The following CNTN4 variants were observed in gnomAD, a reference collection of about 807,000 sequenced individuals.
CNTN4 encodes contactin 4, also known as contactin-4.
In CNTN4, 77 loss-of-function variants were observed where a neutral mutation model predicts 122.5. The ratio of observed to expected loss-of-function variants is 0.63; its 90% CI spans 0.52 to 0.76. CNTN4 has a LOEUF of 0.76. CNTN4 is among the 30% of genes least tolerant of loss of function. CNTN4 has a pLI of 0.00. For synonymous variants in CNTN4, 512 were observed against 447.0 expected (o/e 1.15, Z -1.83); for missense variants, 1,256 against 1,259.1 (o/e 1.00, Z 0.04).
intron 4 of CNTN4, among the ~76,000 whole-genome samples, chr3:2,632,706 T>C (rs114046449): frequency 0.018 from 2,749 of 152,238 alleles, 70 homozygotes; most frequent in African/African-American, 0.063. Context: ...CCTTTAGCAC[T>C]TACTATATGC....
In CNTN4 at chr3:3,003,703, A is replaced by AC. The variant is rs1459942205; in HGVS notation, c.1486+15231_1486+15232insC. ...TTGCACCAAAAAAAAAAAAAAAAAA[A>AC]AAAAAAAAAAACAAAAAAACCCCAC... On this transcript the variant is annotated intron_variant, in intron 14 of 24. Transcript: ENST00000418658. Among the ~76,000 whole-genome samples the AC allele has an allele frequency of 4.1e-3, 611 of 149,186 alleles. 2 individuals carry two copies. Among genetic ancestry groups the AC allele is most frequent in the Non-Finnish European group, 7.2e-3 (481 of 67,130 alleles).
intron 2 of CNTN4, among the ~76,000 whole-genome samples, chr3:2,110,809 C>T (rs1005096799): frequency 6.6e-6 from 1 of 152,062 alleles, no homozygotes; most frequent in Non-Finnish European, 1.5e-5. Context: ...CTTTACCTCT[C>T]TACTTCCTGG....
At chr3:2,541,496 G>A (rs544349933) in intron 3 of CNTN4, among the ~76,000 whole-genome samples, 6 of 152,208 alleles carry the variant, frequency 3.9e-5, no homozygotes, top group African/African-American at 1.4e-4. Flanking sequence ...ATAGCACTTA[G>A]TAAAGCTTCG....
chr3:2,925,969 C>G (rs2094469778), intron 13 of CNTN4, among the ~76,000 whole-genome samples, 190 bp downstream of exon 13: 1 of 152,144 alleles, frequency 6.6e-6, no homozygotes, highest in African/African-American at 2.4e-5. Context: ...TTTGGGAATT[C>G]TACAAAGCAC....
At chr3:2,399,978 G>A (rs899822265) in intron 3 of CNTN4, among the ~76,000 whole-genome samples, 13 of 151,932 alleles carry the variant, frequency 8.6e-5, no homozygotes, top group African/African-American at 3.1e-4. Flanking sequence ...AATAATTCAG[G>A]AAGAAATATA....
At chr3:2,699,904 A>T (rs1301097644) in intron 4 of CNTN4, among the ~76,000 whole-genome samples, 2 of 152,160 alleles carry the variant, frequency 1.3e-5, no homozygotes, top group African/African-American at 4.8e-5. Flanking sequence ...ACAAATTCAG[A>T]GCAGCTATGC....
chr3:2,607,007 C>T (rs139709264), intron 4 of CNTN4, among the ~76,000 whole-genome samples: 2 of 152,292 alleles, frequency 1.3e-5, no homozygotes, highest in African/African-American at 4.8e-5. Flanking sequence ...TTGTGCTTCG[C>T]TTCCACAGTC....
intron 4 of CNTN4, among the ~76,000 whole-genome samples, chr3:2,731,755 T>C (rs994397619): frequency 4.6e-5 from 7 of 152,344 alleles, no homozygotes; most frequent in African/African-American, 1.7e-4. Context: ...CAACATCCTG[T>C]CACTCAAATA....
At chr3:2,671,439 A>G (rs942562175) in intron 4 of CNTN4, among the ~76,000 whole-genome samples, 1 of 152,176 alleles carries the variant, frequency 6.6e-6, no homozygotes, top group South Asian at 2.1e-4. Context: ...TTTCAGCTCC[A>G]TCAGGTCCTT....
chr3:2,694,191 A>C (rs1276896956), intron 4 of CNTN4, among the ~76,000 whole-genome samples: 2 of 152,082 alleles, frequency 1.3e-5, no homozygotes, highest in Non-Finnish European at 2.9e-5. Context: ...ATCAGAAGCC[A>C]TCTTGTCTAA....
intron 2 of CNTN4, among the ~76,000 whole-genome samples, chr3:2,222,151 A>G (rs532190709): frequency 4.0e-4 from 61 of 152,320 alleles, no homozygotes; most frequent in African/African-American, 1.4e-3. Context: ...ATCAACCCAG[A>G]TGTTCATTAA....
At chr3:2,679,047 A>C (rs550711216) in intron 4 of CNTN4, among the ~76,000 whole-genome samples, 19 of 152,308 alleles carry the variant, frequency 1.2e-4, no homozygotes, top group African/African-American at 4.3e-4. Context: ...ATGTTCTGAA[A>C]ATTAAATAAA....
chr3:2,551,817 C>T (rs1394690433), intron 3 of CNTN4, among the ~76,000 whole-genome samples: 1 of 151,918 alleles, frequency 6.6e-6, no homozygotes, highest in Non-Finnish European at 1.5e-5. Context: ...AGGAATTCCT[C>T]GATTGCAATG....
At chr3:3,005,358 T>G (rs1209500327) in intron 14 of CNTN4, among the ~76,000 whole-genome samples, 1 of 152,210 alleles carries the variant, frequency 6.6e-6, no homozygotes, top group African/African-American at 2.4e-5. Flanking sequence ...CATTTCTCTC[T>G]TCTCACATTT....
chr3:2,504,286 C>T (rs1163434754), intron 3 of CNTN4, among the ~76,000 whole-genome samples: 1 of 152,118 alleles, frequency 6.6e-6, no homozygotes, highest in Non-Finnish European at 1.5e-5. Flanking sequence ...CTCTTCCTTT[C>T]AAGAAGAAGT....
rs1399560976 is a variant in CNTN4, at chr3:2,246,134, C to T, written c.-144-93044C>T. Among the ~76,000 whole-genome samples the T allele has an allele frequency of 5.9e-5, 9 of 151,908 alleles. No individual in the cohort carries two copies. The South Asian group carries it at 1.0e-3, about 17-fold the overall frequency. Reference sequence around the variant, plus strand: ...TAACCCTACATTCTCTGATAGGTTTCTGTTTAATAGCACTGATGTGTTTTT... The same window carrying T: ...TAACCCTACATTCTCTGATAGGTTTTTGTTTAATAGCACTGATGTGTTTTT... On this transcript the variant is annotated intron_variant, in intron 2 of 24. Transcript: ENST00000418658.
intron 2 of CNTN4, among the ~76,000 whole-genome samples, chr3:2,287,700 GAAGAAGAAGAGGAAGAAGAAGAAGAAGAA>G (rs1559415881): frequency 0.058 from 4,417 of 76,282 alleles, 210 homozygotes; most frequent in Non-Finnish European, 0.067. Context: ...AGAGGAAGAA[GAAGAAGAAGAGGAAGAAGAAGAAGAAGAA>G]GAAGAAGAAG....
In CNTN4 at chr3:2,836,682, G is replaced by C. The variant is rs558217842; in HGVS notation, c.454+17101G>C. On this transcript the variant is annotated intron_variant, in intron 7 of 24. Coordinates refer to ENST00000418658, the MANE Select transcript of CNTN4 (RefSeq NM_175607.3). ...TCAAAATAAGCCAAAATAAGTATTT[G>C]CTCAAAATATACCATATTACAGATT... Among the ~76,000 whole-genome samples the C allele has an allele frequency of 1.6e-4, 24 of 151,414 alleles. No homozygotes were observed. In the South Asian group the frequency reaches 4.8e-3, roughly 30 times the overall value.
At chr3:2,780,653 C>T (rs1313933067) in intron 6 of CNTN4, among the ~76,000 whole-genome samples, 2 of 152,210 alleles carry the variant, frequency 1.3e-5, no homozygotes, top group African/African-American at 4.8e-5. Context: ...CTACCTCACT[C>T]ATCTAACTTT....
Sources: gnomAD v4.1 joint callset for allele counts (sites outside exome capture counted in the v4.1 genomes callset) on GRCh38, gnomAD v4.1.1 for gene constraint, MANE v1.5 for transcripts, NCBI Gene and HGNC (gene_info 2026-07-23, HGNC 2026-07-21) for gene names.